The following CADM2 variants were observed in gnomAD, a reference collection of about 807,000 sequenced individuals.
The protein encoded by CADM2 is immunoglobulin superfamily member 4D.
A neutral mutation model predicts 49.8 loss-of-function variants in CADM2; 12 were observed. The observed-to-expected ratio is 0.24, with a 90% CI of 0.15 to 0.39. The LOEUF is 0.39. Among genes scored for constraint, CADM2 ranks in the 10% least tolerant of loss-of-function variants. CADM2 has a pLI of 1.00. For missense variants in CADM2, 378 were observed against 492.3 expected (o/e 0.77, Z 2.20); for synonymous variants, 214 against 175.4 (o/e 1.22, Z -1.74).
chr3:85,018,348 G>T (rs1182084210), intron 1 of CADM2, among the ~76,000 whole-genome samples: 1 of 152,138 alleles, frequency 6.6e-6, no homozygotes, highest in Non-Finnish European at 1.5e-5. Context: ...CTACATGCCT[G>T]TTGAGGCTTA....
chr3:85,126,662 T>C (rs973557544), intron 1 of CADM2, among the ~76,000 whole-genome samples: 4 of 152,154 alleles, frequency 2.6e-5, no homozygotes, highest in Admixed American at 6.6e-5. Context: ...GGTTGTTTTA[T>C]GTGTCTTTCT....
chr3:85,302,966 G>A (rs927218124), intron 1 of CADM2, among the ~76,000 whole-genome samples: 3 of 151,856 alleles, frequency 2.0e-5, no homozygotes, highest in African/African-American at 7.2e-5. Flanking sequence ...ATAACAATAT[G>A]GAACTTAGAT....
At chr3:85,070,940 G>A (rs2036711631) in intron 1 of CADM2, among the ~76,000 whole-genome samples, 1 of 151,756 alleles carries the variant, frequency 6.6e-6, no homozygotes, top group Non-Finnish European at 1.5e-5. Context: ...AGTGAGCCGA[G>A]ATCGCGCCAC....
At chr3:85,076,833 G>A (rs1017783770) in intron 1 of CADM2, among the ~76,000 whole-genome samples, 3 of 152,002 alleles carry the variant, frequency 2.0e-5, no homozygotes, top group Admixed American at 6.6e-5. Flanking sequence ...TTACAAGGGC[G>A]TGGTGGCAGG....
At chr3:85,156,822 T>C (rs2040141200) in intron 1 of CADM2, among the ~76,000 whole-genome samples, 1 of 152,166 alleles carries the variant, frequency 6.6e-6, no homozygotes, top group Admixed American at 6.5e-5. Context: ...CAACATAGTG[T>C]TGGAAGTTCT....
At chr3:85,500,102 G>A (rs1345876087) in intron 1 of CADM2, among the ~76,000 whole-genome samples, 1 of 152,082 alleles carries the variant, frequency 6.6e-6, no homozygotes, top group Non-Finnish European at 1.5e-5. Context: ...ATTAGGGAGA[G>A]CATTTATTTG....
chr3:85,537,536 GT>G (rs2061451119), intron 1 of CADM2, among the ~76,000 whole-genome samples: 2 of 151,858 alleles, frequency 1.3e-5, no homozygotes, highest in African/African-American at 2.4e-5. Flanking sequence ...GAAATAACAT[GT>G]TAATATGAGA....
intron 2 of CADM2, among the ~76,000 whole-genome samples, chr3:85,729,725 C>T (rs146117911): frequency 9.4e-4 from 143 of 152,276 alleles, no homozygotes; most frequent in African/African-American, 3.2e-3. Context: ...TTTATCTTTA[C>T]TCTCTGGGTC....
intron 8 of CADM2, among the ~76,000 whole-genome samples, chr3:86,028,863 T>C (rs575544416): frequency 6.6e-6 from 1 of 152,320 alleles, no homozygotes; most frequent in African/African-American, 2.4e-5. Flanking sequence ...AGTGCACTTA[T>C]AGCACCTAGT....
chr3:84,967,098 T>C (rs564976042), intron 1 of CADM2, among the ~76,000 whole-genome samples: 1 of 152,186 alleles, frequency 6.6e-6, no homozygotes, highest in Admixed American at 6.5e-5. Flanking sequence ...AAAGTTGTCC[T>C]TGAGAACAGA....
intron 1 of CADM2, among the ~76,000 whole-genome samples, chr3:85,698,792 G>A (rs1391059079): frequency 1.3e-5 from 2 of 152,052 alleles, no homozygotes; most frequent in Non-Finnish European, 2.9e-5. Flanking sequence ...ATCATTCCTA[G>A]CCCCTCCTGG....
intron 8 of CADM2, among the ~76,000 whole-genome samples, chr3:86,009,821 T>C (rs987151378): frequency 1.3e-5 from 2 of 151,900 alleles, no homozygotes; most frequent in Admixed American, 6.6e-5. Context: ...AAAAATTGTG[T>C]ATATACAACA....
At chr3:84,983,130 C>T (rs980704128) in intron 1 of CADM2, among the ~76,000 whole-genome samples, 2 of 152,034 alleles carry the variant, frequency 1.3e-5, no homozygotes, top group Non-Finnish European at 2.9e-5. Flanking sequence ...TTTATATTTT[C>T]ATATATCCTA....
chr3:84,971,504 C>T (rs1004720181), intron 1 of CADM2, among the ~76,000 whole-genome samples: 1 of 152,070 alleles, frequency 6.6e-6, no homozygotes, highest in Non-Finnish European at 1.5e-5. Flanking sequence ...TTCTCCATAT[C>T]ATTTCATTTC....
chr3:86,053,058 G>GT (rs1737526172), intron 8 of CADM2, among the ~76,000 whole-genome samples: 1 of 152,048 alleles, frequency 6.6e-6, no homozygotes, highest in Non-Finnish European at 1.5e-5. Context: ...CTACACTGAA[G>GT]TTTTATACCA....
intron 1 of CADM2, among the ~76,000 whole-genome samples, chr3:85,292,397 A>G (rs1030316841): frequency 1.3e-5 from 2 of 150,934 alleles, no homozygotes; most frequent in African/African-American, 4.9e-5. Context: ...GAAAGTCAAC[A>G]AGGATACCCA....
intron 8 of CADM2, among the ~76,000 whole-genome samples, chr3:86,018,813 C>T (rs1179334418): frequency 2.6e-5 from 4 of 151,374 alleles, no homozygotes; most frequent in South Asian, 2.1e-4. Context: ...AAAATTTTCT[C>T]CCATTTTGTA....
chr3:85,658,152 A>G (rs1442992574), intron 1 of CADM2, among the ~76,000 whole-genome samples: 1 of 151,962 alleles, frequency 6.6e-6, no homozygotes, highest in Non-Finnish European at 1.5e-5. Context: ...GGAAGCAATC[A>G]TTCAAAAGTA....
chr3:85,519,508 A>C (rs994468410), intron 1 of CADM2, among the ~76,000 whole-genome samples: 5 of 152,032 alleles, frequency 3.3e-5, no homozygotes, highest in African/African-American at 1.2e-4. Context: ...TCTTTTGTTT[A>C]TATTGGAATA....
Sources: gnomAD v4.1 joint callset for allele counts (sites outside exome capture counted in the v4.1 genomes callset) on GRCh38, gnomAD v4.1.1 for gene constraint, MANE v1.5 for transcripts, NCBI Gene and HGNC (gene_info 2026-07-23, HGNC 2026-07-21) for gene names.